Variants in FXR1 observed in about 807,000 individuals in gnomAD.
The protein encoded by FXR1 is FMR1 autosomal homolog 1.
In FXR1, 15 loss-of-function variants were observed where a neutral mutation model predicts 84.0. That is an observed-to-expected ratio of 0.18 (90% CI 0.12 to 0.27). The LOEUF is 0.27. Ranked by LOEUF, FXR1 falls within the 10% of genes least tolerant of loss-of-function variation. The probability of loss-of-function intolerance (pLI) is 1.00; values close to 1 mark genes in which losing one functional copy is unlikely to be tolerated. For synonymous variants in FXR1, 245 were observed against 250.7 expected (o/e 0.98, Z 0.21); for missense variants, 480 against 774.4 (o/e 0.62, Z 4.51).
chr3:180,959,753 T>C (rs1445105759), intron 10 of FXR1, among the ~76,000 whole-genome samples: 2 of 151,982 alleles, frequency 1.3e-5, no homozygotes, highest in South Asian at 4.1e-4. Flanking sequence ...TTCCCTTGTT[T>C]CATGCTTTCA....
At chr3:180,960,102 A>G (rs1222017103) in intron 10 of FXR1, among the ~76,000 whole-genome samples, 1 of 152,206 alleles carries the variant, frequency 6.6e-6, no homozygotes, top group African/African-American at 2.4e-5. Flanking sequence ...TGTTTCTTTA[A>G]AGAAGAAAAA....
intron 13 of FXR1, among the ~76,000 whole-genome samples, chr3:180,967,413 TTAAAC>T (rs1261284351): frequency 6.6e-6 from 1 of 152,186 alleles, no homozygotes; most frequent in African/African-American, 2.4e-5. Flanking sequence ...CACTATACAG[TTAAAC>T]TATTCAGTTT....
At position 180,976,770 on chromosome 3, in the gene FXR1, T is replaced by C. The variant is rs1438821601; in HGVS notation, c.*478T>C. The C allele has an allele frequency of 3.3e-5, 5 of 152,780 alleles. No individual in the cohort carries two copies. Among genetic ancestry groups the C allele is most frequent in the Non-Finnish European group, 7.3e-5 (5 of 68,136 alleles). The allele number at this position is 152,780 out of a possible 1,614,324, so 9.5% of individuals were successfully genotyped here. ...GTTTAGTCTGGAAACTGGTCTGTTT[T>C]AATGTGTTTTTTAAATGCTGTATGT... On this transcript the variant is annotated 3_prime_UTR_variant, in exon 17 of 17. Transcript: ENST00000357559.
intron 8 of FXR1, among the ~76,000 whole-genome samples, chr3:180,952,702 C>T (rs1039043009): frequency 6.6e-6 from 1 of 151,752 alleles, no homozygotes; most frequent in African/African-American, 2.4e-5. Context: ...AATAATAGTG[C>T]TTACCTTAAT....
rs1262457789 is a variant in FXR1 at position 180,943,139 on chromosome 3, G to A, written c.199-4726G>A. On this transcript the variant is annotated intron_variant, in intron 3 of 16. Transcript: ENST00000357559. ...TCGCCACCATGCCCGGCTAATTTTC[G>A]TATTTTTAGTAGAGACGGGGTTTCA... is the stretch of plus-strand genomic sequence containing the variant. Among the ~76,000 whole-genome samples the A allele has an allele frequency of 4.0e-5, 6 of 151,606 alleles. 1 individual carries two copies. The highest frequency in any genetic ancestry group is 5.9e-5 in the Non-Finnish European group (4 of 67,916).
chr3:180,921,778 G>A (rs999823133), intron 1 of FXR1, among the ~76,000 whole-genome samples: 2 of 151,454 alleles, frequency 1.3e-5, no homozygotes, highest in Non-Finnish European at 3.0e-5. Context: ...ACATAGACAC[G>A]TGTATAATTT....
chr3:180,959,361 T>TC (rs1553776389), intron 10 of FXR1, among the ~76,000 whole-genome samples: 3 of 151,754 alleles, frequency 2.0e-5, no homozygotes, highest in Non-Finnish European at 4.4e-5. Flanking sequence ...TTTTTTTTTT[T>TC]CCTGAGATTT....
intron 10 of FXR1, 96 bp from the exon 11 acceptor site, chr3:180,961,366 AAGGTGT>A: frequency 4.9e-6 from 1 of 202,822 alleles, no homozygotes; most frequent in Non-Finnish European, 9.0e-6. Flanking sequence ...AAAAAAAAAA[AAGGTGT>A]GTGTGTGTGT....
At chr3:180,912,828 C>A in intron 1 of FXR1, 92 bp downstream of exon 1, 1 of 1,601,650 alleles carries the variant, frequency 6.2e-7, no homozygotes. Flanking sequence ...GGTTTGGGGT[C>A]GGAAAGGCAG....
At chr3:180,960,395 C>G (rs1196737471) in intron 10 of FXR1, among the ~76,000 whole-genome samples, 1 of 152,130 alleles carries the variant, frequency 6.6e-6, no homozygotes, top group African/African-American at 2.4e-5. Context: ...CTTTATTATG[C>G]TTTAAAGCTA....
chr3:180,917,814 G>A lies in FXR1; in HGVS notation c.51+5078G>A, dbSNP rs1172552760. ...ATACAAAAATTAGCCAGGTGTGGTGGCACGCGCCTGTAGTCCCAGCTACTT... is the reference window on the plus strand; with the variant it reads ...ATACAAAAATTAGCCAGGTGTGGTGACACGCGCCTGTAGTCCCAGCTACTT... On this transcript the variant is annotated intron_variant, in intron 1 of 16. Coordinates refer to ENST00000357559, the MANE Select transcript of FXR1 (RefSeq NM_005087.4). Among the ~76,000 whole-genome samples, 4 of 151,948 alleles carry A rather than the reference G, an allele frequency of 2.6e-5. No homozygotes were observed. The East Asian group carries it at 5.8e-4, about 22-fold the overall frequency.
At chr3:180,943,687 C>A (rs184426966) in intron 3 of FXR1, among the ~76,000 whole-genome samples, 2 of 152,238 alleles carry the variant, frequency 1.3e-5, no homozygotes, top group East Asian at 3.9e-4. Context: ...AAATGGAGTT[C>A]AGCATTTCAT....
chr3:180,937,382 T>G (rs1219086624), intron 3 of FXR1, among the ~76,000 whole-genome samples: 1 of 152,178 alleles, frequency 6.6e-6, no homozygotes, highest in African/African-American at 2.4e-5. Flanking sequence ...TACAGTGTAC[T>G]TTTTCCATTC....
At chr3:180,921,726 G>A (rs1320752068) in intron 1 of FXR1, among the ~76,000 whole-genome samples, 1 of 151,438 alleles carries the variant, frequency 6.6e-6, no homozygotes, top group Admixed American at 6.6e-5. Flanking sequence ...AAACGTGTTG[G>A]CTGACAATAA....
chr3:180,969,692 C>T (rs1713289651), intron 14 of FXR1, among the ~76,000 whole-genome samples: 1 of 152,176 alleles, frequency 6.6e-6, no homozygotes, highest in South Asian at 2.1e-4. Context: ...ATTTGGGAAA[C>T]AGTCCATCAA....
At chr3:180,940,487 C>A (rs1222232428) in intron 3 of FXR1, among the ~76,000 whole-genome samples, 4 of 152,014 alleles carry the variant, frequency 2.6e-5, no homozygotes, top group African/African-American at 4.8e-5. Flanking sequence ...ATCTGCCTTG[C>A]TCAGCAAGTA....
intron 15 of FXR1, chr3:180,970,688 C>A (rs1713454655): frequency 6.6e-6 from 1 of 152,486 alleles, no homozygotes; most frequent in Admixed American, 6.6e-5. Context: ...TTCATCTTGC[C>A]TCTTTTAAAA....
rs1242954530 is a variant in FXR1, at chr3:180,977,834, A to T, written c.*1542A>T. ...CTGAAGGATAATTCAGGGTATAGTT[A>T]AAAATGTACAATGTGCCAGTTCAGT... is the stretch of plus-strand genomic sequence containing the variant. On this transcript the variant is annotated 3_prime_UTR_variant, in exon 17 of 17. Coordinates refer to ENST00000357559, the MANE Select transcript of FXR1 (RefSeq NM_005087.4). 2.0e-5 allele frequency: 3 copies of T among 152,098 alleles called. No individual in the cohort carries two copies. The highest frequency in any genetic ancestry group is 7.2e-5 in the African/African-American group (3 of 41,432). The allele number at this position is 152,098 out of a possible 1,614,324, so 9.4% of individuals were successfully genotyped here. A position where few individuals can be genotyped will look rare whatever the true frequency, so the allele number is the denominator to read the frequency against.
At chr3:180,933,772 A>G (rs1720204169) in intron 2 of FXR1, among the ~76,000 whole-genome samples, 1 of 152,184 alleles carries the variant, frequency 6.6e-6, no homozygotes, top group Non-Finnish European at 1.5e-5. Context: ...TATGCAGTCT[A>G]AAAATGGGAA....
Sources: allele counts gnomAD v4.1 joint callset (sites outside exome capture counted in the v4.1 genomes callset), GRCh38; gene constraint gnomAD v4.1.1; transcripts MANE v1.5; gene names NCBI Gene and HGNC (gene_info 2026-07-23, HGNC 2026-07-21).